Variants in PLOD2 observed in about 807,000 individuals in gnomAD.
The protein encoded by PLOD2 is lysine hydroxylase 2.
Under a neutral mutation model 101.0 loss-of-function variants are expected in PLOD2, and 65 were observed. That is an observed-to-expected ratio of 0.64 (90% confidence interval 0.53 to 0.79). The LOEUF is 0.79. Ranked by LOEUF, PLOD2 falls within the 30% of genes least tolerant of loss-of-function variation. The pLI is 0.00. For synonymous variants in PLOD2, 314 were observed against 302.9 expected (o/e 1.04, Z -0.38); for missense variants, 909 against 914.6 (o/e 0.99, Z 0.08).
At position 146,091,916 on chromosome 3, in the gene PLOD2, A is replaced by C; in HGVS notation, c.778-15T>G. The C allele has an allele frequency of 7.4e-7, 1 of 1,345,910 alleles. No homozygotes were observed. Among genetic ancestry groups the C allele is most frequent in the Non-Finnish European group, 1.1e-6 (1 of 935,862 alleles). 83.4% of individuals were successfully genotyped at this position (1,345,910 alleles called of 1,614,324 possible). ...TTCAGGAGAATCTTGTAAATGAAGG[A>C]AAAGGTTATTAATGAAAGCAGGCCT... On this transcript the variant is annotated splice_polypyrimidine_tract_variant and intron_variant, in intron 7 of 19. Coordinates refer to ENST00000282903, the MANE Select transcript of PLOD2 (RefSeq NM_182943.3).
chr3:146,124,216 G>A lies in PLOD2; in HGVS notation c.123C>T (p.Val41=). 6.4e-7 allele frequency: 1 copy of A among 1,574,246 alleles called. No individual in the cohort carries two copies. Among genetic ancestry groups the A allele is most frequent in the Non-Finnish European group, 8.7e-7 (1 of 1,144,610 alleles). ...CACTTTCTTTTGTTGCTACAGTTAT[G>A]ACTAATAATTTATCTGCAAAGACAA... is the stretch of plus-strand genomic sequence containing the variant. ...PSSIPTDKLL[V]ITVATKESDG... The change falls in exon 2 of 20, where the codon GTC becomes GTT. Residue 41 remains valine, a synonymous_variant. Coordinates refer to ENST00000282903, the MANE Select transcript of PLOD2 (RefSeq NM_182943.3).
At chr3:146,157,670 G>A (rs921483709) in intron 1 of PLOD2, among the ~76,000 whole-genome samples, 1 of 152,160 alleles carries the variant, frequency 6.6e-6, no homozygotes, top group African/African-American at 2.4e-5. Flanking sequence ...ATAGAAAAGG[G>A]TAGCTCAATT....
At chr3:146,104,439 G>A (rs952095608) in intron 5 of PLOD2, 97 bp from the exon 6 acceptor site, 9 of 719,080 alleles carry the variant, frequency 1.3e-5, no homozygotes, top group Non-Finnish European at 2.5e-6. Flanking sequence ...GGAATTTAAA[G>A]TTTAATATTC....
chr3:146,152,762 T>C (rs749752417), intron 1 of PLOD2, among the ~76,000 whole-genome samples: 36 of 152,190 alleles, frequency 2.4e-4, no homozygotes, highest in Non-Finnish European at 4.7e-4. Context: ...TACATTATTT[T>C]CCCTGCAAGA....
In PLOD2 at chr3:146,072,639, G is replaced by A. The variant is rs1483580215; in HGVS notation, c.1770C>T (p.Pro590=). 6.2e-7 allele frequency: 1 copy of A among 1,608,658 alleles called. No individual in the cohort carries two copies. Among genetic ancestry groups the A allele is most frequent in the Non-Finnish European group, 8.5e-7 (1 of 1,175,938 alleles). Residue 590 remains proline (P), a synonymous_variant, in exon 17 of 20, where the codon CCC becomes CCT. Transcript: ENST00000282903. ...EQPCPDVFWF[P]IFSEKACDEL... ...CATCACAGGCTTTTTCAGAAAATAT[G>A]GGGAACCAAAAGACATCTGGACAGG... is the stretch of plus-strand genomic sequence containing the variant.
At chr3:146,135,132 T>C (rs2031157204) in intron 1 of PLOD2, among the ~76,000 whole-genome samples, 1 of 152,208 alleles carries the variant, frequency 6.6e-6, no homozygotes, top group Non-Finnish European at 1.5e-5. Context: ...CCATTGCATC[T>C]ACCTTGCATA....
chr3:146,111,856 T>C (rs369321815), intron 3 of PLOD2, among the ~76,000 whole-genome samples: 2 of 149,894 alleles, frequency 1.3e-5, no homozygotes, highest in Non-Finnish European at 3.0e-5. Flanking sequence ...TTTTTTTTTT[T>C]AATAATGAAG....
chr3:146,110,078 A>G (rs1937601235), intron 4 of PLOD2, among the ~76,000 whole-genome samples: 1 of 152,154 alleles, frequency 6.6e-6, no homozygotes, highest in South Asian at 2.1e-4. Context: ...TTCCTCACTT[A>G]TAATTTGGTA....
chr3:146,080,695 C>T (rs1429645303), intron 12 of PLOD2, among the ~76,000 whole-genome samples: 1 of 152,108 alleles, frequency 6.6e-6, no homozygotes, highest in Non-Finnish European at 1.5e-5. Flanking sequence ...ATTCTACTTT[C>T]ACAAACCCTC....
chr3:146,135,017 TA>T (rs1157238975), intron 1 of PLOD2, among the ~76,000 whole-genome samples: 1 of 152,246 alleles, frequency 6.6e-6, no homozygotes, highest in African/African-American at 2.4e-5. Flanking sequence ...ACAGAAGTCA[TA>T]ACTTTCATTT....
intron 11 of PLOD2, 110 bp downstream of exon 11, chr3:146,085,059 C>A: frequency 1.6e-6 from 1 of 627,186 alleles, no homozygotes; most frequent in South Asian, 2.0e-5. Flanking sequence ...AGCTGTAGAA[C>A]ATAACTAAGT....
chr3:146,090,346 CCTTT>C (rs1239426458), intron 8 of PLOD2, among the ~76,000 whole-genome samples: 1 of 151,334 alleles, frequency 6.6e-6, no homozygotes, highest in African/African-American at 2.4e-5. Context: ...GAATAGTTTT[CCTTT>C]CTATCACATT....
intron 6 of PLOD2, among the ~76,000 whole-genome samples, chr3:146,103,778 A>G (rs903977651): frequency 2.0e-5 from 3 of 151,860 alleles, no homozygotes; most frequent in Middle Eastern, 3.2e-3. Context: ...TTATCAAGAT[A>G]TATGTATCTA....
chr3:146,108,443 A>G (rs568604921), intron 4 of PLOD2, among the ~76,000 whole-genome samples: 30 of 152,296 alleles, frequency 2.0e-4, no homozygotes, highest in African/African-American at 6.7e-4. Context: ...TAGGCCTCCC[A>G]AAGTGCTGGG....
intron 8 of PLOD2, among the ~76,000 whole-genome samples, chr3:146,089,783 G>T (rs972039762): frequency 6.6e-6 from 1 of 151,456 alleles, no homozygotes; most frequent in Admixed American, 6.6e-5. Flanking sequence ...CTCTCCAGTA[G>T]TTCTCAATTT....
intron 9 of PLOD2, among the ~76,000 whole-genome samples, chr3:146,087,213 C>A (rs1936809198): frequency 6.6e-6 from 1 of 151,822 alleles, no homozygotes; most frequent in Non-Finnish European, 1.5e-5. Flanking sequence ...TGCATAAATA[C>A]TTAAATCCTT....
intron 3 of PLOD2, among the ~76,000 whole-genome samples, chr3:146,112,660 G>T (rs1439531178): frequency 6.6e-6 from 1 of 151,966 alleles, no homozygotes; most frequent in Non-Finnish European, 1.5e-5. Flanking sequence ...AGACCATCCT[G>T]GCCAACATAG....
chr3:146,107,565 T>C (rs1270561882), intron 4 of PLOD2, among the ~76,000 whole-genome samples: 1 of 146,452 alleles, frequency 6.8e-6, no homozygotes, highest in Admixed American at 6.8e-5. Context: ...AAAGAAAAAA[T>C]GAAAACATGA....
chr3:146,157,114 T>C (rs768007655), intron 1 of PLOD2, among the ~76,000 whole-genome samples: 4 of 152,152 alleles, frequency 2.6e-5, no homozygotes, highest in Non-Finnish European at 4.4e-5. Context: ...GAAAGGAAGC[T>C]CAGTGAATTC....
Sources: gnomAD v4.1 joint callset for allele counts (sites outside exome capture counted in the v4.1 genomes callset) on GRCh38, gnomAD v4.1.1 for gene constraint, MANE v1.5 for transcripts, NCBI Gene and HGNC (gene_info 2026-07-23, HGNC 2026-07-21) for gene names.